The following RELL1 variants were observed in gnomAD, a reference collection of about 807,000 sequenced individuals.
The protein encoded by RELL1 is RELT-like protein 1.
Under a neutral mutation model 23.0 loss-of-function variants are expected in RELL1, and 10 were observed. The observed-to-expected ratio is 0.43, with a 90% CI of 0.27 to 0.74. The LOEUF (loss-of-function observed/expected upper bound fraction) is 0.74. Ranked by LOEUF, RELL1 falls within the 30% of genes least tolerant of loss-of-function variation. The pLI is 0.19. For synonymous variants in RELL1, 146 were observed against 146.8 expected, an observed-to-expected ratio of 0.99 and a Z score of 0.04; for missense variants, 315 against 364.4, an observed-to-expected ratio of 0.86 and a Z score of 1.10.
chr4:37,608,956 C>CA (rs1719300682), downstream of RELL1, among the ~76,000 whole-genome samples: 1 of 152,138 alleles, frequency 6.6e-6, no homozygotes, highest in Admixed American at 6.5e-5. Context: ...ACTAAAGAAA[C>CA]CATTGCCATT....
At chr4:37,638,386 G>C in intron 4 of RELL1, 61 bp downstream of exon 4, 1 of 1,299,312 alleles carries the variant, frequency 7.7e-7, no homozygotes. Context: ...TTCAGATGGC[G>C]CCATATCTGA....
At chr4:37,626,105 A>T (rs1293629560) in intron 6 of RELL1, among the ~76,000 whole-genome samples, 2 of 152,226 alleles carry the variant, frequency 1.3e-5, no homozygotes, top group Non-Finnish European at 2.9e-5. Flanking sequence ...ATGTGGAGAA[A>T]AAGAAATTCT....
chr4:37,612,651 A>G lies in RELL1; in HGVS notation c.*695T>C, dbSNP rs1485981129. On this transcript the variant is annotated 3_prime_UTR_variant, in exon 7 of 7. Coordinates refer to ENST00000454158, the MANE Select transcript of RELL1 (RefSeq NM_001085400.2). ...GACTCTGCCTCAAAAAAAAAAAAAA[A>G]AAAACCTTCTCAAAATGTGTAAGTG... Among the ~76,000 whole-genome samples, 1 of 151,752 alleles carries G rather than the reference A, an allele frequency of 6.6e-6. No homozygotes were observed. The highest frequency in any genetic ancestry group is 2.4e-5 in the African/African-American group (1 of 41,158).
chr4:37,684,533 G>A (rs1009800769), intron 1 of RELL1, among the ~76,000 whole-genome samples: 2 of 152,118 alleles, frequency 1.3e-5, no homozygotes, highest in African/African-American at 4.8e-5. Context: ...TTTACTCCCA[G>A]ATTAAACTCT....
chr4:37,646,274 G>T (rs56258337), intron 3 of RELL1, among the ~76,000 whole-genome samples: 5,207 of 152,274 alleles, frequency 0.034, 245 homozygotes, highest in East Asian at 0.23. Flanking sequence ...CTTTACTCAA[G>T]ATTAAATTAA....
downstream of RELL1, chr4:37,590,166 C>T: frequency 6.2e-7 from 1 of 1,614,140 alleles, no homozygotes; most frequent in Non-Finnish European, 8.5e-7. Context: ...ATGAAGACGA[C>T]ACTGATAAAT....
intron 6 of RELL1, among the ~76,000 whole-genome samples, chr4:37,600,780 C>CATGTGTGTGTGT (rs71600512): frequency 7.5e-5 from 11 of 147,568 alleles, no homozygotes; most frequent in Non-Finnish European, 1.5e-4. Context: ...TGGATTTGTG[C>CATGTGTGTGTGT]GTGTGTGTGT....
chr4:37,680,975 T>C (rs886965910), intron 1 of RELL1, among the ~76,000 whole-genome samples: 1 of 146,828 alleles, frequency 6.8e-6, no homozygotes, highest in African/African-American at 2.5e-5. Context: ...AAGACCAGAA[T>C]GAAATATGCT....
At chr4:37,594,736 A>G (rs760443336) in intron 6 of RELL1, among the ~76,000 whole-genome samples, 27 of 152,288 alleles carry the variant, frequency 1.8e-4, no homozygotes, top group Admixed American at 5.2e-4. Flanking sequence ...AGTGCTGGCC[A>G]TTCGTCATTT....
At chr4:37,598,095 A>ATATATATATATATATATATAT (rs1174324006) in intron 6 of RELL1, among the ~76,000 whole-genome samples, 7 of 143,444 alleles carry the variant, frequency 4.9e-5, no homozygotes, top group Non-Finnish European at 7.6e-5. Flanking sequence ...ATATATATAT[A>ATATATATATATATATATATAT]ACTCCTCCTA....
intron 6 of RELL1, among the ~76,000 whole-genome samples, chr4:37,626,802 G>A (rs7662828): frequency 0.32 from 47,300 of 146,350 alleles, 8,105 homozygotes; most frequent in Middle Eastern, 0.41. Context: ...CAAATACCAC[G>A]TCATCTCACT....
At chr4:37,650,033 G>A (rs1240336627) in intron 1 of RELL1, among the ~76,000 whole-genome samples, 1 of 152,046 alleles carries the variant, frequency 6.6e-6, no homozygotes, top group Non-Finnish European at 1.5e-5. Context: ...TTATGAAATG[G>A]GCATACAAAT....
At chr4:37,595,227 A>C (rs918457670) in intron 6 of RELL1, among the ~76,000 whole-genome samples, 6 of 152,298 alleles carry the variant, frequency 3.9e-5, no homozygotes, top group Middle Eastern at 6.8e-3. Flanking sequence ...TAAGTTTCTC[A>C]TATGTATCAG....
intron 1 of RELL1, among the ~76,000 whole-genome samples, chr4:37,683,537 A>C (rs903768087): frequency 4.0e-5 from 6 of 151,854 alleles, no homozygotes; most frequent in Admixed American, 3.9e-4. Context: ...AGGGCGGATC[A>C]CTTGAGGTCA....
chr4:37,670,953 G>T (rs1317554745), intron 1 of RELL1, among the ~76,000 whole-genome samples: 1 of 152,134 alleles, frequency 6.6e-6, no homozygotes, highest in Non-Finnish European at 1.5e-5. Flanking sequence ...GATTATTCCA[G>T]CCCCAACGTT....
chr4:37,589,587 C>A (rs1265918927), downstream of RELL1, among the ~76,000 whole-genome samples: 1 of 151,728 alleles, frequency 6.6e-6, no homozygotes. Flanking sequence ...CACCCCTTAC[C>A]CCTCCTTCCT....
chr4:37,662,548 C>T (rs1165433376), intron 1 of RELL1, among the ~76,000 whole-genome samples: 1 of 147,608 alleles, frequency 6.8e-6, no homozygotes, highest in African/African-American at 2.5e-5. Context: ...AGGACTGAAA[C>T]TTGAGTGATG....
At chr4:37,677,825 A>G (rs988394187) in intron 1 of RELL1, among the ~76,000 whole-genome samples, 1 of 152,100 alleles carries the variant, frequency 6.6e-6, no homozygotes, top group Non-Finnish European at 1.5e-5. Flanking sequence ...TACAAAAATT[A>G]GCCGGGCATG....
rs1342402090 is a variant in RELL1, at chr4:37,612,042, T to TG, written c.*1303dup. On this transcript the variant is annotated 3_prime_UTR_variant, in exon 7 of 7. Coordinates refer to ENST00000454158, the MANE Select transcript of RELL1 (RefSeq NM_001085400.2). ...TACAAAAAAAATAAGCCAAGCGTGG[T>TG]GGTGGGCACCTGTAGTCCCAGCTAC... 6.6e-6 allele frequency among the ~76,000 whole-genome samples: 1 copy of TG among 151,614 alleles called. No homozygotes were observed. The highest frequency in any genetic ancestry group is 1.5e-5 in the Non-Finnish European group (1 of 67,906).
Sources: gnomAD v4.1 joint callset for allele counts (sites outside exome capture counted in the v4.1 genomes callset) on GRCh38, gnomAD v4.1.1 for gene constraint, MANE v1.5 for transcripts, NCBI Gene and HGNC (gene_info 2026-07-23, HGNC 2026-07-21) for gene names.